Variants in PRMT5 observed in about 807,000 individuals in gnomAD.
PRMT5 encodes the protein protein arginine methyltransferase 5, also known as protein arginine N-methyltransferase 5.
A neutral mutation model predicts 84.0 loss-of-function variants in PRMT5; 15 were observed. The observed-to-expected ratio is 0.18, with a 90% confidence interval of 0.12 to 0.28. PRMT5 has a LOEUF of 0.28. Among genes scored for constraint, PRMT5 ranks in the 10% least tolerant of loss-of-function variants. The pLI, the probability that PRMT5 is intolerant of heterozygous loss-of-function variation, is 1.00. For synonymous variants in PRMT5, 276 were observed against 292.4 expected (o/e 0.94, Z 0.57); for missense variants, 486 against 808.0 (o/e 0.60, Z 4.83).
chr14:22,925,096 T>C, intron 7 of PRMT5, 56 bp from the exon 8 acceptor site: 1 of 1,581,210 alleles, frequency 6.3e-7, no homozygotes, highest in South Asian at 1.2e-5. Flanking sequence ...TCTGGAATAT[T>C]ATGGTATATG....
chr14:22,926,324 A>C lies in PRMT5; in HGVS notation c.614-28T>G, dbSNP rs760620077. 2.5e-6 allele frequency: 4 copies of C among 1,610,500 alleles called. 1 individual carries two copies. In the South Asian group the frequency reaches 4.4e-5, roughly 18 times the overall value. ...ACATGAGGCAAAAGAAAAACTGTCA[A>C]CCACTGCCAGGCAAGAAACCCTTCC... On this transcript the variant is annotated intron_variant, in intron 6 of 16. Coordinates refer to ENST00000324366, the MANE Select transcript of PRMT5 (RefSeq NM_006109.5).
rs1410565517 is a variant in PRMT5 at position 22,923,609 on chromosome 14, G to C, written c.1375+399C>G. The stretch of plus-strand genomic sequence containing the variant: ...GCTCACTGCAACCTTCTCCTCCCAG[G>C]TTCAAGTGATTCTCGCGCCTCAGCC... On this transcript the variant is annotated intron_variant, in intron 12 of 16. Transcript: ENST00000324366. This position sits in a 1 kb window ranked among gnomAD's most constrained non-coding sequence, Gnocchi z 5.2. Among the ~76,000 whole-genome samples, 2 of 152,014 alleles carry C rather than the reference G, an allele frequency of 1.3e-5. No individual in the cohort carries two copies. Among genetic ancestry groups the C allele is most frequent in the East Asian group, 3.9e-4 (2 of 5,190 alleles).
intron 13 of PRMT5, 40 bp from the exon 14 acceptor site, chr14:22,922,875 C>T: frequency 1.3e-6 from 2 of 1,580,476 alleles, no homozygotes; most frequent in Non-Finnish European, 1.7e-6. Context: ...TTGGGGAAGA[C>T]ACACAAGAGA....
rs969813856 is a variant in PRMT5 at position 22,929,307 on chromosome 14, C to T, written c.55G>A (p.Asp19Asn). 12 of 1,613,270 alleles carry T rather than the reference C, an allele frequency of 7.4e-6. No individual in the cohort carries two copies. Among genetic ancestry groups the T allele is most frequent in the Non-Finnish European group, 1.0e-5 (12 of 1,179,838 alleles). The change falls in exon 1 of 17, where the codon GAC becomes AAC. Residue 19 changes from aspartate to asparagine, a missense_variant. Asp to Asn is a conservative substitution (Grantham distance 23, BLOSUM62 1). Around this residue, in one of 4 missense-constraint regions of PRMT5, gnomAD observed 51 missense variants for 53.8 expected, o/e 0.95. Transcript: ENST00000324366. The part of the protein sequence containing the change: ...AGGSRVSSGR[D>N]LNCVPEIADT... Reference sequence around the variant, plus strand: ...GCTATTTCGGGGACGCAATTCAGGTCCCTCCCGCTGGACACGCGGCTCCCA... The same window carrying T: ...GCTATTTCGGGGACGCAATTCAGGTTCCTCCCGCTGGACACGCGGCTCCCA...
Position 22,924,492 on chromosome 14 carries a change from CCTT to C in PRMT5, c.1060_1062del (p.Lys354del), listed in dbSNP as rs2044373416. On this transcript the variant is annotated inframe_deletion, in exon 10 of 17. Transcript: ENST00000324366. The surrounding 1 kb of genome is among the most constrained non-coding windows in gnomAD (Gnocchi z 6.5). ...GAAAGCACTCACTGGACATTGGTAT[CCTT>C]CTCCTCTTCTGGTACTCGGTCTAGC... is the stretch of plus-strand genomic sequence containing the variant. The C allele has an allele frequency of 3.1e-6, 5 of 1,613,926 alleles. No individual in the cohort carries two copies. The highest frequency in any genetic ancestry group is 1.7e-5 in the Admixed American group (1 of 59,990).
chr14:22,921,825 T>C (rs1336832894), intron 16 of PRMT5, among the ~76,000 whole-genome samples: 1 of 143,462 alleles, frequency 7.0e-6, no homozygotes, highest in African/African-American at 2.6e-5. Flanking sequence ...GAGCTTGCAG[T>C]GAGCCGAAAT....
At chr14:22,926,611 A>C in intron 5 of PRMT5, 56 bp from the exon 6 acceptor site, 1 of 1,609,100 alleles carries the variant, frequency 6.2e-7, no homozygotes, top group Non-Finnish European at 8.5e-7. Context: ...ACCAATCACC[A>C]CAGCTCAAGG....
chr14:22,929,229 G>C (rs1293955583), intron 1 of PRMT5, 23 bp downstream of exon 1: 1 of 1,613,880 alleles, frequency 6.2e-7, no homozygotes, highest in Admixed American at 1.7e-5. Context: ...CCCGCATTCC[G>C]CTCGTGGAGG....
chr14:22,924,578 C>T lies in PRMT5; in HGVS notation c.1018-41G>A, dbSNP rs1282083307. ...AATATCCCATGGTTGTAATCCCATC[C>T]TCCCCAGGTCATGCTGGCCCTGTGC... On this transcript the variant is annotated intron_variant, in intron 9 of 16. Coordinates refer to ENST00000324366, the MANE Select transcript of PRMT5 (RefSeq NM_006109.5). This position sits in a 1 kb window ranked among gnomAD's most constrained non-coding sequence, Gnocchi z 6.5. 13 of 1,612,756 alleles carry T rather than the reference C, an allele frequency of 8.1e-6. No individual in the cohort carries two copies. The South Asian group carries it at 1.3e-4, about 16-fold the overall frequency.
In PRMT5 at chr14:22,926,828, G is replaced by A. The variant is rs761075377; in HGVS notation, c.451-14C>T. The A allele has an allele frequency of 5.1e-6, 8 of 1,580,370 alleles. No homozygotes were observed. Among genetic ancestry groups the A allele is most frequent in the African/African-American group, 1.3e-5 (1 of 74,248 alleles). ...CCGCATCCAGAACTGCACATGAACA[G>A]TCACCCTTTTAGAACTCTCTTTTGA... On this transcript the variant is annotated splice_polypyrimidine_tract_variant and intron_variant, in intron 4 of 16. Transcript: ENST00000324366.
At position 22,929,329 on chromosome 14, in the gene PRMT5, C is replaced by G; in HGVS notation, c.33G>C (p.Gly11=). 1 of 1,611,620 alleles carries G rather than the reference C, an allele frequency of 6.2e-7. No individual in the cohort carries two copies. MAAMAVGGAG[G]SRVSSGRDLN... ...GGTCCCTCCCGCTGGACACGCGGCTCCCACCAGCACCCCCGACCGCCATCG... is the reference window on the plus strand; with the variant it reads ...GGTCCCTCCCGCTGGACACGCGGCTGCCACCAGCACCCCCGACCGCCATCG... The change falls in exon 1 of 17, where the codon GGG becomes GGC. Residue 11 remains glycine, a synonymous_variant. Coordinates refer to ENST00000324366, the MANE Select transcript of PRMT5 (RefSeq NM_006109.5).
In PRMT5 at chr14:22,922,504, G is replaced by C; in HGVS notation, c.1635C>G (p.Asn545Lys). 1 of 1,614,164 alleles carries C rather than the reference G, an allele frequency of 6.2e-7. No homozygotes were observed. Among genetic ancestry groups the C allele is most frequent in the African/African-American group, 1.3e-5 (1 of 75,056 alleles). The change falls in exon 15 of 17, where the codon AAC (asparagine) becomes AAG (lysine). Residue 545 changes from asparagine to lysine, a missense_variant. By Grantham distance (94) the Asn-to-Lys change is moderately conservative. This residue lies in a region of PRMT5 where 219 missense variants were observed against 433.6 expected (regional missense o/e 0.51). Transcript: ENST00000324366. ...AGCCGGCAAAGCCATGTAGTACTGT[G>C]TTCACCTCCACAGGAAATTCCAAGG... ...YCTLEFPVEV[N>K]TVLHGFAGYF...
chr14:22,921,876 C>T (rs1315099910), intron 16 of PRMT5, among the ~76,000 whole-genome samples: 1 of 116,886 alleles, frequency 8.6e-6, no homozygotes, highest in African/African-American at 2.9e-5. Flanking sequence ...AGTGAGACTC[C>T]GTCTCTTTAA....
In PRMT5 at chr14:22,925,002, G is replaced by A; in HGVS notation, c.816C>T (p.His272=). Residue 272 remains histidine, a synonymous_variant, in exon 8 of 17, where the codon CAC becomes CAT. Transcript: ENST00000324366. ...GGTAGGAGCAGAACTCCTTCTCTGAGTGGTGGTTGGTGCCTGTGATGATGA... is the reference window on the plus strand; with the variant it reads ...GGTAGGAGCAGAACTCCTTCTCTGAATGGTGGTTGGTGCCTGTGATGATGA... ...VQFIITGTNH[H]SEKEFCSYLQ... 1.9e-6 allele frequency: 3 copies of A among 1,614,112 alleles called. No individual in the cohort carries two copies. The highest frequency in any genetic ancestry group is 1.7e-5 in the Admixed American group (1 of 60,004).
At chr14:22,926,665 C>T (rs369564614) in intron 5 of PRMT5, 37 bp downstream of exon 5, 3 of 1,603,668 alleles carry the variant, frequency 1.9e-6, no homozygotes, top group African/African-American at 2.7e-5. Flanking sequence ...CTCACCCTAT[C>T]CCTTGCACCC....
Position 22,920,670 on chromosome 14 carries a change from C to G in PRMT5, c.*234G>C. ...GTTCTTGAGGCTGAGTGCGTAGCTT[C>G]AAATCCAGCACTAATTCCTCACCCC... On this transcript the variant is annotated 3_prime_UTR_variant, in exon 17 of 17. Transcript: ENST00000324366. 1.4e-6 allele frequency: 1 copy of G among 715,038 alleles called. No homozygotes were observed. Among genetic ancestry groups the G allele is most frequent in the Non-Finnish European group, 2.6e-6 (1 of 387,694 alleles). The allele number at this position is 715,038 out of a possible 1,614,324, so 44.3% of individuals were successfully genotyped here.
rs1594523560 is a variant in PRMT5 at position 22,928,930 on chromosome 14, G to A, written c.111-315C>T. 9.8e-6 allele frequency: 6 copies of A among 610,930 alleles called. No individual in the cohort carries two copies. The South Asian group carries it at 1.2e-4, about 13-fold the overall frequency. The allele number at this position is 610,930 out of a possible 1,614,324, so 37.8% of individuals were successfully genotyped here. ...CCAGATTTGCCCCAGTTCTGCCCAT[G>A]CCTCCCCCGTCAAAATTAGCCTCTT... On this transcript the variant is annotated intron_variant, in intron 1 of 16. Transcript: ENST00000324366. The surrounding 1 kb of genome is among the most constrained non-coding windows in gnomAD (Gnocchi z 4.8).
At chr14:22,922,029 T>C in intron 16 of PRMT5, 147 bp downstream of exon 16, 1 of 743,422 alleles carries the variant, frequency 1.3e-6, no homozygotes, top group Non-Finnish European at 2.3e-6. Flanking sequence ...CTCCAAATAC[T>C]CCCAACACCT....
intron 7 of PRMT5, 104 bp from the exon 8 acceptor site, chr14:22,925,144 C>A: frequency 1.6e-5 from 19 of 1,167,472 alleles, no homozygotes; most frequent in Admixed American, 2.7e-5. Context: ...CCCAGATCAA[C>A]AGTTCTCTTT....
Sources: allele counts gnomAD v4.1 joint callset (sites outside exome capture counted in the v4.1 genomes callset), GRCh38; gene constraint gnomAD v4.1.1; regional missense constraint gnomAD v4.1.1; non-coding constraint Gnocchi (gnomAD v3.1); transcripts MANE v1.5; gene names NCBI Gene and HGNC (gene_info 2026-07-23, HGNC 2026-07-21).